Variants in FARS2 observed in about 807,000 individuals in gnomAD.
The protein encoded by FARS2 is phenylalanine--tRNA ligase, mitochondrial.
FARS2 carries 40 observed loss-of-function variants against 46.4 expected under a neutral mutation model. That is an observed-to-expected ratio of 0.86 (90% CI 0.67 to 1.12). FARS2 has a LOEUF of 1.12. FARS2 is among the 50% of genes most tolerant of loss of function. The pLI is 0.00. For synonymous variants in FARS2, 234 were observed against 214.9 expected (o/e 1.09, Z -0.78); for missense variants, 513 against 567.9 (o/e 0.90, Z 0.98).
At chr6:5,707,542 A>C (rs1758833792) in intron 6 of FARS2, among the ~76,000 whole-genome samples, 1 of 152,202 alleles carries the variant, frequency 6.6e-6, no homozygotes, top group South Asian at 2.1e-4. Flanking sequence ...ACTAGAGCTC[A>C]AGTCTGTATG....
chr6:5,688,471 G>A (rs1300655044), intron 6 of FARS2, among the ~76,000 whole-genome samples: 1 of 152,142 alleles, frequency 6.6e-6, no homozygotes, highest in African/African-American at 2.4e-5. Flanking sequence ...TGTGGTTTTT[G>A]TCTTTGGTTC....
At chr6:5,373,031 C>A (rs551907386) in intron 2 of FARS2, among the ~76,000 whole-genome samples, 1 of 152,092 alleles carries the variant, frequency 6.6e-6, no homozygotes, top group African/African-American at 2.4e-5. Context: ...ACATCTACAA[C>A]ACAATTAGGT....
chr6:5,587,219 T>C (rs1462725987), intron 5 of FARS2, among the ~76,000 whole-genome samples: 1 of 152,220 alleles, frequency 6.6e-6, no homozygotes, highest in Non-Finnish European at 1.5e-5. Flanking sequence ...TATTAAGGAA[T>C]ATGTAAAACA....
intron 4 of FARS2, among the ~76,000 whole-genome samples, chr6:5,441,899 C>A (rs995597747): frequency 6.6e-5 from 10 of 152,172 alleles, no homozygotes; most frequent in Middle Eastern, 3.2e-3. Context: ...TCCTCTTTAA[C>A]ACTTGACGTT....
chr6:5,623,716 A>T (rs1775889410), intron 6 of FARS2, among the ~76,000 whole-genome samples: 1 of 124,336 alleles, frequency 8.0e-6, no homozygotes, highest in Non-Finnish European at 1.6e-5. Context: ...TGTCTCAAAA[A>T]AAATAAATAA....
At chr6:5,326,631 G>A (rs1027229398) in intron 1 of FARS2, among the ~76,000 whole-genome samples, 1 of 152,218 alleles carries the variant, frequency 6.6e-6, no homozygotes, top group African/African-American at 2.4e-5. Context: ...TCCAGGAGCA[G>A]CAGCCTTCTC....
At chr6:5,488,872 C>T (rs1371158767) in intron 4 of FARS2, among the ~76,000 whole-genome samples, 7 of 152,138 alleles carry the variant, frequency 4.6e-5, no homozygotes, top group East Asian at 3.9e-4. Flanking sequence ...TTCAGGTGTT[C>T]GGATTTCTTT....
At chr6:5,400,279 G>C (rs566017941) in intron 2 of FARS2, among the ~76,000 whole-genome samples, 1 of 151,814 alleles carries the variant, frequency 6.6e-6, no homozygotes, top group African/African-American at 2.4e-5. Context: ...TGAATTGTCT[G>C]TTCTTTTTCT....
chr6:5,631,231 T>C (rs964758744), intron 6 of FARS2, among the ~76,000 whole-genome samples: 2 of 152,206 alleles, frequency 1.3e-5, no homozygotes, highest in African/African-American at 4.8e-5. Context: ...AATCAATGAA[T>C]ACCTATGCAT....
At chr6:5,297,687 A>G (rs1328371601) in intron 1 of FARS2, among the ~76,000 whole-genome samples, 3 of 152,028 alleles carry the variant, frequency 2.0e-5, no homozygotes, top group African/African-American at 4.8e-5. Context: ...AAGAACAGCA[A>G]CAGCAACAAC....
chr6:5,270,936 C>G (rs868356630), intron 1 of FARS2, among the ~76,000 whole-genome samples: 2 of 152,218 alleles, frequency 1.3e-5, no homozygotes, highest in African/African-American at 4.8e-5. Context: ...GAGATGCTTA[C>G]TCAAAGCTAC....
intron 4 of FARS2, among the ~76,000 whole-genome samples, chr6:5,526,937 A>G (rs190842635): frequency 7.9e-5 from 12 of 152,348 alleles, no homozygotes; most frequent in Middle Eastern, 3.4e-3. Context: ...TTCTTAACAG[A>G]AAGAAACAGA....
chr6:5,265,477 C>T (rs1284723481), intron 1 of FARS2, among the ~76,000 whole-genome samples: 2 of 152,176 alleles, frequency 1.3e-5, no homozygotes, highest in African/African-American at 2.4e-5. Flanking sequence ...AACTTAACAG[C>T]TGAGCTGTTG....
upstream of FARS2, among the ~76,000 whole-genome samples, chr6:5,259,526 T>G (rs548966419): frequency 3.3e-5 from 5 of 152,318 alleles, no homozygotes; most frequent in South Asian, 1.0e-3. Context: ...TTCTAAAAAT[T>G]TGAGAGTCAT....
chr6:5,707,420 A>G (rs969580407), intron 6 of FARS2, among the ~76,000 whole-genome samples: 4 of 152,196 alleles, frequency 2.6e-5, no homozygotes, highest in African/African-American at 9.6e-5. Context: ...ACGTGGCCTA[A>G]GGGGAGGCGT....
At chr6:5,682,230 CAAATTA>C (rs1163399384) in intron 6 of FARS2, among the ~76,000 whole-genome samples, 1 of 151,932 alleles carries the variant, frequency 6.6e-6, no homozygotes, top group Non-Finnish European at 1.5e-5. Flanking sequence ...AAACAGGAAA[CAAATTA>C]ATATCTATAT....
chr6:5,550,852 T>C (rs1306310255), intron 5 of FARS2, among the ~76,000 whole-genome samples: 1 of 152,200 alleles, frequency 6.6e-6, no homozygotes, highest in Non-Finnish European at 1.5e-5. Flanking sequence ...CTGAGACGCC[T>C]GAGGGGATCC....
rs550341210 is a variant in FARS2 at position 5,426,405 on chromosome 6, A to T, written c.773-4636A>T. On this transcript the variant is annotated intron_variant, in intron 3 of 6. Coordinates refer to ENST00000274680, the MANE Select transcript of FARS2 (RefSeq NM_006567.5). ...TGACATGTGAAATAAGTCACACTCA[A>T]CATAGTTTTGAGCTAGTTATTTGGC... is the stretch of plus-strand genomic sequence containing the variant. Among the ~76,000 whole-genome samples the T allele has an allele frequency of 2.6e-5, 4 of 152,304 alleles. No individual in the cohort carries two copies. The East Asian group carries it at 5.8e-4, about 22-fold the overall frequency.
At chr6:5,704,087 T>C (rs2150889160) in intron 6 of FARS2, among the ~76,000 whole-genome samples, 1 of 152,312 alleles carries the variant, frequency 6.6e-6, no homozygotes, top group South Asian at 2.1e-4. Flanking sequence ...AGCTTAGTTT[T>C]CATGATGATG....
Sources: allele counts gnomAD v4.1 joint callset (sites outside exome capture counted in the v4.1 genomes callset), GRCh38; gene constraint gnomAD v4.1.1; transcripts MANE v1.5; gene names NCBI Gene and HGNC (gene_info 2026-07-23, HGNC 2026-07-21).